The following ZNF772 variants were observed in gnomAD, a reference collection of about 807,000 sequenced individuals.
ZNF772 encodes zinc finger protein 772.
In ZNF772, 8 loss-of-function variants were observed where a neutral mutation model predicts 11.0. That is an observed-to-expected ratio of 0.73 (90% CI 0.43 to 1.31). The LOEUF is 1.31. ZNF772 is among the 50% of genes most tolerant of loss of function. ZNF772 has a pLI of 0.01. For synonymous variants in ZNF772, 155 were observed against 180.4 expected, an observed-to-expected ratio of 0.86 and a Z score of 1.13; for missense variants, 496 against 552.3, an observed-to-expected ratio of 0.90 and a Z score of 1.02.
At position 57,477,331 on chromosome 19, in the gene ZNF772, G is replaced by A. The variant is rs1006681119; in HGVS notation, c.-22C>T. The A allele has an allele frequency of 1.2e-6, 2 of 1,613,134 alleles. No homozygotes were observed. The highest frequency in any genetic ancestry group is 1.7e-6 in the Non-Finnish European group (2 of 1,179,658). The stretch of plus-strand genomic sequence containing the variant: ...CCATCAGGCCTGTGGACTACGGAAG[G>A]GTGGCGACAAGTGCAGGAACCTGGG... On this transcript the variant is annotated 5_prime_UTR_variant, in exon 1 of 4. Transcript: ENST00000356584.
At position 57,474,291 on chromosome 19, in the gene ZNF772, C is replaced by A. The variant is rs767892609; in HGVS notation, c.330G>T (p.Leu110=). 1.9e-5 allele frequency: 31 copies of A among 1,614,152 alleles called. No individual in the cohort carries two copies. In the South Asian group the frequency reaches 3.4e-4, roughly 18 times the overall value. Residue 110 remains leucine (L), a synonymous_variant, in exon 4 of 4, where the codon CTG becomes CTT. Coordinates refer to ENST00000356584, the MANE Select transcript of ZNF772 (RefSeq NM_001144068.2). ...QKAYPCGTCG[L]VLKDILHLAE... Reference sequence around the variant, plus strand: ...CCAAGTGCAAAATGTCTTTTAAGACCAGGCCACATGTCCCACAGGGGTAAG... The same window carrying A: ...CCAAGTGCAAAATGTCTTTTAAGACAAGGCCACATGTCCCACAGGGGTAAG...
intron 2 of ZNF772, 162 bp downstream of exon 2, chr19:57,476,472 A>G: frequency 1.3e-6 from 1 of 781,898 alleles, no homozygotes. Flanking sequence ...CCTCCATAAA[A>G]CCCCTGGCCC....
intron 2 of ZNF772, chr19:57,476,419 C>G (rs1197457368): frequency 1.0e-5 from 6 of 587,004 alleles, no homozygotes; most frequent in Non-Finnish European, 1.8e-5. Flanking sequence ...GTGCCTGGAA[C>G]AACCTTCCAA....
Position 57,471,794 on chromosome 19 carries a change from C to T in ZNF772, c.*1480G>A, listed in dbSNP as rs2089217687. Reference sequence around the variant, plus strand: ...TGAAACACAGAACACCACCATGAGCCTTAATTTCAGAGTTTAAGAAGCCAA... The same window carrying T: ...TGAAACACAGAACACCACCATGAGCTTTAATTTCAGAGTTTAAGAAGCCAA... On this transcript the variant is annotated 3_prime_UTR_variant, in exon 4 of 4. Transcript: ENST00000356584. The T allele has an allele frequency of 1.6e-5, 3 of 190,842 alleles. No homozygotes were observed. The highest frequency in any genetic ancestry group is 3.3e-5 in the Non-Finnish European group (3 of 91,888). 11.8% of individuals were successfully genotyped at this position (190,842 alleles called of 1,614,324 possible).
In ZNF772 at chr19:57,476,614, C is replaced by A; in HGVS notation, c.72+20G>T. 6.2e-7 allele frequency: 1 copy of A among 1,613,474 alleles called. No individual in the cohort carries two copies. The highest frequency in any genetic ancestry group is 8.5e-7 in the Non-Finnish European group (1 of 1,179,446). ...TGGGTGGGGGTGGGATCGGTGAGAG[C>A]ATGGACATTCTCCCCTCACCTGTAT... On this transcript the variant is annotated intron_variant, in intron 2 of 3. Coordinates refer to ENST00000356584, the MANE Select transcript of ZNF772 (RefSeq NM_001144068.2).
In ZNF772 at chr19:57,476,671, A is replaced by T. The variant is rs765881245; in HGVS notation, c.35T>A (p.Val12Asp). Reference sequence around the variant, plus strand: ...CACAATTACTTCTGAGTTCATGGGAACCTGTGGGGAAGAGGGAGACTATGC... The same window carrying T: ...CACAATTACTTCTGAGTTCATGGGATCCTGTGGGGAAGAGGGAGACTATGC... ...AAAEPMGPAQ[V>D]PMNSEVIVDP... Residue 12 changes from valine to aspartate, a missense_variant and splice_region_variant, in exon 2 of 4, where the codon GTT becomes GAT. Transcript: ENST00000356584. 4 of 1,596,196 alleles carry T rather than the reference A, an allele frequency of 2.5e-6. No homozygotes were observed. In the South Asian group the frequency reaches 4.5e-5, roughly 18 times the overall value.
In ZNF772 at chr19:57,474,114, C is replaced by G. The variant is rs1338073272; in HGVS notation, c.507G>C (p.Leu169=). 3.1e-6 allele frequency: 5 copies of G among 1,614,162 alleles called. No homozygotes were observed. The South Asian group carries it at 3.3e-5, about 11-fold the overall frequency. ...CCATTGATTGCACAGCACAGTTGTTCAGAAGAAAGGGCCTGCTCTTATCAC... is the reference window on the plus strand; with the variant it reads ...CCATTGATTGCACAGCACAGTTGTTGAGAAGAAAGGGCCTGCTCTTATCAC... ...FRSDKSRPFL[L]NNCAVQSMEM... is the part of the protein sequence containing the mutation. Residue 169 remains leucine (L), a synonymous_variant, in exon 4 of 4, where the codon CTG becomes CTC. Transcript: ENST00000356584.
chr19:57,477,382 C>A lies in ZNF772; in HGVS notation c.-73G>T. On this transcript the variant is annotated 5_prime_UTR_variant, in exon 1 of 4. Transcript: ENST00000356584. Reference sequence around the variant, plus strand: ...ATCAGCTGTCCAGGGCCCAGCCCAGCGGCTAGGTCACTCAGGCAGCGCCAC... The same window carrying A: ...ATCAGCTGTCCAGGGCCCAGCCCAGAGGCTAGGTCACTCAGGCAGCGCCAC... The A allele has an allele frequency of 4.5e-6, 7 of 1,563,148 alleles. No individual in the cohort carries two copies. In the Admixed American group the frequency reaches 7.0e-5, roughly 16 times the overall value.
chr19:57,475,760 G>A lies in ZNF772; in HGVS notation c.99C>T (p.Phe33=), dbSNP rs768838991. ...IQGQVNFEDV[F]VYFSQEEWVL... ...CCCACTCCTCCTGGGAGAAGTACACGAACACGTCCTCAAAGTTCACCTGCC... is the reference window on the plus strand; with the variant it reads ...CCCACTCCTCCTGGGAGAAGTACACAAACACGTCCTCAAAGTTCACCTGCC... Residue 33 remains phenylalanine (F), a synonymous_variant, in exon 3 of 4, where the codon TTC becomes TTT. Coordinates refer to ENST00000356584, the MANE Select transcript of ZNF772 (RefSeq NM_001144068.2). This position sits in a 1 kb window ranked among gnomAD's most constrained non-coding sequence, Gnocchi z 4.2. 1.9e-5 allele frequency: 30 copies of A among 1,609,340 alleles called. No homozygotes were observed. The highest frequency in any genetic ancestry group is 2.2e-5 in the East Asian group (1 of 44,870).
rs554994618 is a variant in ZNF772 at position 57,475,933 on chromosome 19, C to G, written c.73-147G>C. The G allele has an allele frequency of 8.5e-7, 1 of 1,178,698 alleles. No homozygotes were observed. Among genetic ancestry groups the G allele is most frequent in the Non-Finnish European group, 1.2e-6 (1 of 846,106 alleles). The allele number at this position is 1,178,698 out of a possible 1,614,324, so 73.0% of individuals were successfully genotyped here. On this transcript the variant is annotated intron_variant, in intron 2 of 3. Transcript: ENST00000356584. The surrounding 1 kb of genome is among the most constrained non-coding windows in gnomAD (Gnocchi z 4.2). ...GGACCAGATGTCATTGGTGTCTTCT[C>G]TCGCCTCATGGTCCCAATGGATCAC...
chr19:57,477,018 C>T (rs1259408493), intron 1 of ZNF772, among the ~76,000 whole-genome samples: 1 of 152,198 alleles, frequency 6.6e-6, no homozygotes, highest in African/African-American at 2.4e-5. Flanking sequence ...ACTTATAAAG[C>T]GCTCTGATCC....
Position 57,474,145 on chromosome 19 carries a change from A to T in ZNF772, c.476T>A (p.Phe159Tyr). Residue 159 changes from phenylalanine to tyrosine, a missense_variant, in exon 4 of 4, where the codon TTT becomes TAT. Coordinates refer to ENST00000356584, the MANE Select transcript of ZNF772 (RefSeq NM_001144068.2). Reference sequence around the variant, plus strand: ...AAAGGGCCTGCTCTTATCACTTCTAAAGGGTTTCTCTCCACTGTGCTGCTT... The same window carrying T: ...AAAGGGCCTGCTCTTATCACTTCTATAGGGTTTCTCTCCACTGTGCTGCTT... Reference protein sequence around the residue: ...HQKQHSGEKPFRSDKSRPFLL... With the variant: ...HQKQHSGEKPYRSDKSRPFLL... The T allele has an allele frequency of 6.2e-7, 1 of 1,614,202 alleles. No individual in the cohort carries two copies. Among genetic ancestry groups the T allele is most frequent in the Admixed American group, 1.7e-5 (1 of 60,028 alleles).
intron 1 of ZNF772, among the ~76,000 whole-genome samples, chr19:57,476,987 G>C (rs1001958957): frequency 3.9e-5 from 6 of 152,290 alleles, no homozygotes; most frequent in African/African-American, 9.6e-5. Flanking sequence ...AGCTGCTCAG[G>C]ATGATATTCC....
intron 1 of ZNF772, among the ~76,000 whole-genome samples, chr19:57,477,028 C>T (rs2074066): frequency 0.31 from 47,712 of 152,100 alleles, 7,789 homozygotes; most frequent in Middle Eastern, 0.4. Flanking sequence ...CGCTCTGATC[C>T]TTTCAGACAC....
chr19:57,470,050 C>T lies in ZNF772; in HGVS notation c.*3224G>A, dbSNP rs2089196681. 1 of 152,294 alleles carries T rather than the reference C, an allele frequency of 6.6e-6. No individual in the cohort carries two copies. Among genetic ancestry groups the T allele is most frequent in the Middle Eastern group, 3.4e-3 (1 of 294 alleles). 9.4% of individuals were successfully genotyped at this position (152,294 alleles called of 1,614,324 possible). On this transcript the variant is annotated 3_prime_UTR_variant, in exon 4 of 4. Transcript: ENST00000356584. ...CATGTGTCAAGAAGAATTTTTTTAACTGGAAAACATCCTAAACTCAACTAA... is the reference window on the plus strand; with the variant it reads ...CATGTGTCAAGAAGAATTTTTTTAATTGGAAAACATCCTAAACTCAACTAA...
In ZNF772 at chr19:57,475,535, T is replaced by C; in HGVS notation, c.199+125A>G. ...GCCCAAGCCCAGCACTCACAGAACC[T>C]ACTCCAGGCACTAAGAAATGAGACA... On this transcript the variant is annotated intron_variant, in intron 3 of 3. Transcript: ENST00000356584. The surrounding 1 kb of genome is among the most constrained non-coding windows in gnomAD (Gnocchi z 4.2). 6.8e-7 allele frequency: 1 copy of C among 1,477,446 alleles called. No homozygotes were observed. Among genetic ancestry groups the C allele is most frequent in the Non-Finnish European group, 9.4e-7 (1 of 1,059,238 alleles). 91.5% of individuals were successfully genotyped at this position (1,477,446 alleles called of 1,614,324 possible). A position where few individuals can be genotyped will look rare whatever the true frequency, so the allele number is the denominator to read the frequency against.
Position 57,475,496 on chromosome 19 carries a change from T to A in ZNF772, c.199+164A>T. 9.1e-7 allele frequency: 1 copy of A among 1,103,800 alleles called. No individual in the cohort carries two copies. The highest frequency in any genetic ancestry group is 1.3e-5 in the South Asian group (1 of 79,438). The allele number at this position is 1,103,800 out of a possible 1,614,324, so 68.4% of individuals were successfully genotyped here. ...GCTGGGAATGCTCAAAAGGAGAAAG[T>A]AGGAGTGCAAACAGCCCAAGCCCAG... On this transcript the variant is annotated intron_variant, in intron 3 of 3. Coordinates refer to ENST00000356584, the MANE Select transcript of ZNF772 (RefSeq NM_001144068.2). The surrounding 1 kb of genome is among the most constrained non-coding windows in gnomAD (Gnocchi z 4.2).
chr19:57,476,759 C>T, intron 1 of ZNF772, 87 bp from the exon 2 acceptor site: 1 of 1,243,270 alleles, frequency 8.0e-7, no homozygotes, highest in Non-Finnish European at 1.1e-6. Context: ...TACCCAGTTA[C>T]AATGTGCCTG....
Position 57,470,011 on chromosome 19 carries a change from C to T in ZNF772, c.*3263G>A, listed in dbSNP as rs115055294. ...AAATATTTAGGAATTAAATAACATA[C>T]ATTTAAAAAGAGCCATGTGTCAAGA... On this transcript the variant is annotated 3_prime_UTR_variant, in exon 4 of 4. Coordinates refer to ENST00000356584, the MANE Select transcript of ZNF772 (RefSeq NM_001144068.2). 2.0e-5 allele frequency: 3 copies of T among 152,122 alleles called. No individual in the cohort carries two copies. The highest frequency in any genetic ancestry group is 2.9e-5 in the Non-Finnish European group (2 of 68,012). The allele number at this position is 152,122 out of a possible 1,614,324, so 9.4% of individuals were successfully genotyped here. A position where few individuals can be genotyped will look rare whatever the true frequency, so the allele number is the denominator to read the frequency against.
Sources: allele counts gnomAD v4.1 joint callset (sites outside exome capture counted in the v4.1 genomes callset), GRCh38; gene constraint gnomAD v4.1.1; non-coding constraint Gnocchi (gnomAD v3.1); transcripts MANE v1.5; gene names NCBI Gene and HGNC (gene_info 2026-07-23, HGNC 2026-07-21).